Variants in CLPB observed in about 807,000 individuals in gnomAD.
The protein encoded by CLPB is ClpB family mitochondrial disaggregase.
Under a neutral mutation model 78.4 loss-of-function variants are expected in CLPB, and 40 were observed. The observed-to-expected ratio is 0.51, with a 90% CI of 0.40 to 0.66. The LOEUF is 0.66. Among genes scored for constraint, CLPB ranks in the 30% least tolerant of loss-of-function variants. The probability of loss-of-function intolerance (pLI) is 0.00; values close to 1 mark genes in which losing one functional copy is unlikely to be tolerated. For missense variants in CLPB, 780 were observed against 886.9 expected, an observed-to-expected ratio of 0.88 and a Z score of 1.53; for synonymous variants, 333 against 348.0, an observed-to-expected ratio of 0.96 and a Z score of 0.48.
intron 3 of CLPB, among the ~76,000 whole-genome samples, chr11:72,389,820 G>T (rs1855192753): frequency 6.6e-6 from 1 of 152,090 alleles, no homozygotes; most frequent in Admixed American, 6.5e-5. Flanking sequence ...CAGCTACTCG[G>T]GAGGATCGCT....
At chr11:72,371,127 G>A (rs1951033754) in intron 4 of CLPB, among the ~76,000 whole-genome samples, 2 of 152,050 alleles carry the variant, frequency 1.3e-5, no homozygotes, top group South Asian at 4.1e-4. Flanking sequence ...GCAGTGGCGT[G>A]ATCATGGCTT....
intron 2 of CLPB, among the ~76,000 whole-genome samples, chr11:72,409,028 C>T (rs998691631): frequency 5.3e-5 from 8 of 152,198 alleles, no homozygotes; most frequent in East Asian, 1.9e-4. Flanking sequence ...TGACAGAGTA[C>T]GGTGTCTCTG....
chr11:72,334,530 T>C (rs1196491291), intron 5 of CLPB, among the ~76,000 whole-genome samples: 2 of 152,256 alleles, frequency 1.3e-5, no homozygotes, highest in African/African-American at 4.8e-5. Flanking sequence ...ACCTGACTTC[T>C]ACCACTGATC....
rs142705294 is a variant in CLPB, at chr11:72,416,078, G to A, written c.456-13026C>T. 4.3e-4 allele frequency among the ~76,000 whole-genome samples: 66 copies of A among 152,306 alleles called. 1 individual carries two copies. Among genetic ancestry groups the A allele is most frequent in the Non-Finnish European group, 8.1e-4 (55 of 68,024 alleles). On this transcript the variant is annotated intron_variant, in intron 2 of 15. Coordinates refer to ENST00000538039, the MANE Select transcript of CLPB (RefSeq NM_001258392.3). ...GACCAAGTGAGGGGAGTTGCAAAGG[G>A]AGCTAACACATAATGACAGCCCATC... is the stretch of plus-strand genomic sequence containing the variant.
intron 5 of CLPB, chr11:72,354,337 T>C (rs35959072): frequency 2.5e-6 from 1 of 398,080 alleles, no homozygotes; most frequent in East Asian, 3.6e-5. Flanking sequence ...AGAAGTTAAT[T>C]CCTGTGTACG....
chr11:72,373,789 T>C (rs917144932), intron 4 of CLPB, among the ~76,000 whole-genome samples: 1 of 151,702 alleles, frequency 6.6e-6, no homozygotes, highest in Non-Finnish European at 1.5e-5. Context: ...CTACTAAAAG[T>C]ATTAGTAAAA....
intron 4 of CLPB, among the ~76,000 whole-genome samples, chr11:72,360,920 T>C (rs1459696559): frequency 6.6e-6 from 1 of 152,206 alleles, no homozygotes; most frequent in Non-Finnish European, 1.5e-5. Flanking sequence ...GTTTCTCACA[T>C]ATCATAATGT....
rs138489559 is a variant in CLPB, at chr11:72,389,060, G to C, written c.543-8676C>G. Among the ~76,000 whole-genome samples the C allele has an allele frequency of 2.2e-3, 336 of 152,304 alleles. 3 individuals carry two copies. Among genetic ancestry groups the C allele is most frequent in the Middle Eastern group, 0.01 (3 of 294 alleles). ...TGAGGTAGAACAGATTATAAACCAA[G>C]TGAGTAGCCAGAAACCAAGGATTAC... On this transcript the variant is annotated intron_variant, in intron 3 of 15. Coordinates refer to ENST00000538039, the MANE Select transcript of CLPB (RefSeq NM_001258392.3).
Position 72,315,446 on chromosome 11 carries a change from C to T in CLPB, c.988+1660G>A, listed in dbSNP as rs561902569. ...CCAAGGCTCTGGCTTGCAGGTTGTC[C>T]TGGTTTGGCTCCAGTGGCCCTAGAC... is the stretch of plus-strand genomic sequence containing the variant. On this transcript the variant is annotated intron_variant, in intron 7 of 15. Coordinates refer to ENST00000538039, the MANE Select transcript of CLPB (RefSeq NM_001258392.3). Among the ~76,000 whole-genome samples, 38 of 152,310 alleles carry T rather than the reference C, an allele frequency of 2.5e-4. No individual in the cohort carries two copies. In the South Asian group the frequency reaches 7.7e-3, roughly 31 times the overall value.
chr11:72,430,449 A>G (rs552029371), intron 1 of CLPB, 86 bp from the exon 2 acceptor site: 1 of 1,171,618 alleles, frequency 8.5e-7, no homozygotes, highest in Admixed American at 2.4e-5. Context: ...AGACAGTGGC[A>G]GTACTTTAGA....
At chr11:72,331,024 G>T (rs1454094404) in intron 5 of CLPB, among the ~76,000 whole-genome samples, 1 of 151,990 alleles carries the variant, frequency 6.6e-6, no homozygotes, top group African/African-American at 2.4e-5. Context: ...TCATGATACA[G>T]AAGTATTCCT....
chr11:72,424,275 C>CA (rs1856299449), intron 2 of CLPB, among the ~76,000 whole-genome samples: 1 of 152,240 alleles, frequency 6.6e-6, no homozygotes, highest in South Asian at 2.1e-4. Flanking sequence ...GCCATAACCC[C>CA]ACACCCTTGC....
At chr11:72,400,617 T>G (rs983247075) in intron 3 of CLPB, among the ~76,000 whole-genome samples, 1 of 152,238 alleles carries the variant, frequency 6.6e-6, no homozygotes, top group African/African-American at 2.4e-5. Context: ...TTAGCACCAC[T>G]GGCTATTTCT....
At position 72,318,915 on chromosome 11, in the gene CLPB, C is replaced by T. The variant is rs370222358; in HGVS notation, c.874-1695G>A. Among the ~76,000 whole-genome samples, 10 of 152,348 alleles carry T rather than the reference C, an allele frequency of 6.6e-5. No homozygotes were observed. The East Asian group carries it at 1.7e-3, about 26-fold the overall frequency. The stretch of plus-strand genomic sequence containing the variant: ...TTCCTCCTCCCTGCCCACCCAGCCC[C>T]GCTCAGCACTTAGGTCCACTGGGCT... On this transcript the variant is annotated intron_variant, in intron 6 of 15. Coordinates refer to ENST00000538039, the MANE Select transcript of CLPB (RefSeq NM_001258392.3).
At chr11:72,347,645 G>T (rs1950540668) in intron 5 of CLPB, among the ~76,000 whole-genome samples, 1 of 152,100 alleles carries the variant, frequency 6.6e-6, no homozygotes, top group Admixed American at 6.5e-5. Flanking sequence ...TAAAAATAAA[G>T]CATTTATAAA....
chr11:72,323,162 AC>A (rs1468029234), intron 6 of CLPB, among the ~76,000 whole-genome samples: 14 of 152,260 alleles, frequency 9.2e-5, no homozygotes, highest in African/African-American at 3.4e-4. Flanking sequence ...TTGAAAATAA[AC>A]CCCACAGGGT....
intron 11 of CLPB, among the ~76,000 whole-genome samples, chr11:72,296,638 G>A (rs147879173): frequency 1.1e-4 from 16 of 152,302 alleles, no homozygotes; most frequent in Middle Eastern, 3.4e-3. Flanking sequence ...TGCCGAACAC[G>A]GACAGGGACT....
rs1949433355 is a variant in CLPB, at chr11:72,290,013, T to C, written c.*3354A>G. Reference sequence around the variant, plus strand: ...ACAAGCAATGACACTCCGCCAATGATACTCTAGCCAGGAGTATATATTCTG... The same window carrying C: ...ACAAGCAATGACACTCCGCCAATGACACTCTAGCCAGGAGTATATATTCTG... On this transcript the variant is annotated 3_prime_UTR_variant, in exon 16 of 16. Transcript: ENST00000538039. 6.6e-6 allele frequency: 1 copy of C among 152,212 alleles called. No homozygotes were observed. Among genetic ancestry groups the C allele is most frequent in the African/African-American group, 2.4e-5 (1 of 41,458 alleles). 9.4% of individuals were successfully genotyped at this position (152,212 alleles called of 1,614,324 possible).
intron 5 of CLPB, among the ~76,000 whole-genome samples, chr11:72,357,809 T>C (rs555129319): frequency 6.6e-6 from 1 of 152,028 alleles, no homozygotes; most frequent in South Asian, 2.1e-4. Flanking sequence ...GAGAGGGTTC[T>C]GCTGGAAGAG....
Sources: gnomAD v4.1 joint callset for allele counts (sites outside exome capture counted in the v4.1 genomes callset) on GRCh38, gnomAD v4.1.1 for gene constraint, MANE v1.5 for transcripts, NCBI Gene and HGNC (gene_info 2026-07-23, HGNC 2026-07-21) for gene names.